PARP1: variants seen among roughly 807,000 people sequenced by gnomAD.
The protein encoded by PARP1 is poly(ADP-ribose) polymerase 1, also known as poly [ADP-ribose] polymerase 1.
A neutral mutation model predicts 118.7 loss-of-function variants in PARP1; 44 were observed. The ratio of observed to expected loss-of-function variants is 0.37; its 90% CI spans 0.29 to 0.48. The LOEUF is 0.48. Among genes scored for constraint, PARP1 ranks in the 20% least tolerant of loss-of-function variants. PARP1 has a pLI of 0.99. For synonymous variants in PARP1, 492 were observed against 483.2 expected, an observed-to-expected ratio of 1.02 and a Z score of -0.24; for missense variants, 1,100 against 1,272.4, an observed-to-expected ratio of 0.86 and a Z score of 2.06.
At chr1:226,372,166 TC>T (rs1664396880) in intron 14 of PARP1, among the ~76,000 whole-genome samples, 1 of 152,170 alleles carries the variant, frequency 6.6e-6, no homozygotes, top group African/African-American at 2.4e-5. Context: ...AGAGTCAGGT[TC>T]CCCTGGTGCT....
chr1:226,363,431 A>G (rs1400280363), intron 20 of PARP1, among the ~76,000 whole-genome samples: 2 of 152,144 alleles, frequency 1.3e-5, no homozygotes, highest in African/African-American at 2.4e-5. Flanking sequence ...CAGCAGCTCT[A>G]GGTTTCCGTC....
At chr1:226,361,677 C>G (rs1462387163) in intron 22 of PARP1, 136 bp from the exon 23 acceptor site, 1 of 731,008 alleles carries the variant, frequency 1.4e-6, no homozygotes, top group Non-Finnish European at 2.5e-6. Flanking sequence ...GGCTGGGTTG[C>G]CTCATCTCCC....
rs1664578920 is a variant in PARP1 at position 226,380,260 on chromosome 1, C to A, written c.1301-96G>T. 3.9e-5 allele frequency: 48 copies of A among 1,231,958 alleles called. No individual in the cohort carries two copies. The South Asian group carries it at 5.8e-4, about 15-fold the overall frequency. The allele number at this position is 1,231,958 out of a possible 1,614,324, so 76.3% of individuals were successfully genotyped here. A position where few individuals can be genotyped will look rare whatever the true frequency, so the allele number is the denominator to read the frequency against. On this transcript the variant is annotated intron_variant, in intron 9 of 22. Coordinates refer to ENST00000366794, the MANE Select transcript of PARP1 (RefSeq NM_001618.4). ...GTTATATTTAGTGTGTACTTCCAAA[C>A]CCTCAGCATTCACAGCTCTCCTTTG...
chr1:226,383,777 G>A (rs1410837281), intron 7 of PARP1, among the ~76,000 whole-genome samples: 1 of 152,194 alleles, frequency 6.6e-6, no homozygotes, highest in Admixed American at 6.5e-5. Context: ...GCTCTAAATG[G>A]TCACTCAATA....
rs1293339161 is a variant in PARP1, at chr1:226,385,588, A to G, written c.927T>C (p.Tyr309=). 1.2e-6 allele frequency: 2 copies of G among 1,614,036 alleles called. No homozygotes were observed. The highest frequency in any genetic ancestry group is 1.7e-6 in the Non-Finnish European group (2 of 1,180,016). The change falls in exon 7 of 23, where the codon TAT becomes TAC. Residue 309 remains tyrosine, a synonymous_variant. Coordinates refer to ENST00000366794, the MANE Select transcript of PARP1 (RefSeq NM_001618.4). Reference sequence around the variant, plus strand: ...AGGCAGTGACGTCCCCAGTGCAGTAATAGGCATCGCTCTTGAAGACCAGCT... The same window carrying G: ...AGGCAGTGACGTCCCCAGTGCAGTAGTAGGCATCGCTCTTGAAGACCAGCT... ...SGQLVFKSDA[Y]YCTGDVTAWT...
At chr1:226,387,487 G>A (rs1200412225) in intron 5 of PARP1, among the ~76,000 whole-genome samples, 1 of 152,118 alleles carries the variant, frequency 6.6e-6, no homozygotes, top group Non-Finnish European at 1.5e-5. Context: ...ATCAAAAGAG[G>A]ATTTTAACTC....
intron 22 of PARP1, 29 bp downstream of exon 22, chr1:226,361,940 G>A: frequency 7.6e-7 from 1 of 1,309,992 alleles, no homozygotes; most frequent in Non-Finnish European, 1.1e-6. Context: ...ATCCCTTTGT[G>A]CTCACACAGC....
chr1:226,381,659 T>C (rs904828602), intron 8 of PARP1, among the ~76,000 whole-genome samples: 3 of 152,234 alleles, frequency 2.0e-5, no homozygotes, highest in South Asian at 2.1e-4. Flanking sequence ...ATGTCCATGA[T>C]AGTCCCTCAA....
chr1:226,376,319 A>G (rs549890430), intron 13 of PARP1, among the ~76,000 whole-genome samples: 2 of 152,398 alleles, frequency 1.3e-5, no homozygotes, highest in South Asian at 4.1e-4. Context: ...CAGAAAAGTT[A>G]AAAATGTCAA....
chr1:226,381,404 G>C (rs1351653532), intron 8 of PARP1, among the ~76,000 whole-genome samples, 196 bp from the exon 9 acceptor site: 3 of 152,342 alleles, frequency 2.0e-5, no homozygotes, highest in South Asian at 4.1e-4. Flanking sequence ...GAAAGGACTG[G>C]GCAGGGAGCA....
At chr1:226,403,011 G>T (rs1490873953) in intron 1 of PARP1, among the ~76,000 whole-genome samples, 1 of 152,260 alleles carries the variant, frequency 6.6e-6, no homozygotes, top group Non-Finnish European at 1.5e-5. Context: ...ACAGCGGATG[G>T]TTCGGGGCAG....
At chr1:226,382,799 T>G (rs1664642338) in intron 8 of PARP1, among the ~76,000 whole-genome samples, 1 of 152,202 alleles carries the variant, frequency 6.6e-6, no homozygotes, top group South Asian at 2.1e-4. Context: ...ATTACAGGTG[T>G]GAGTCACTGC....
At chr1:226,362,245 G>C (rs1435196632) in intron 21 of PARP1, 162 bp from the exon 22 acceptor site, 1 of 606,520 alleles carries the variant, frequency 1.6e-6, no homozygotes, top group Non-Finnish European at 2.9e-6. Context: ...GAGTGCAATG[G>C]TGTGACTTCA....
chr1:226,395,272 G>T (rs1664893385), intron 2 of PARP1, among the ~76,000 whole-genome samples: 2 of 152,130 alleles, frequency 1.3e-5, no homozygotes, highest in Admixed American at 6.5e-5. Context: ...TTTCACTTCT[G>T]GGTATACACA....
chr1:226,361,776 C>T, intron 22 of PARP1, 193 bp downstream of exon 22: 1 of 664,000 alleles, frequency 1.5e-6, no homozygotes, highest in Non-Finnish European at 2.7e-6. Context: ...CCTCTGGAAA[C>T]TGGGGGAAGG....
chr1:226,408,025 G>A lies in PARP1; in HGVS notation c.-96C>T. On this transcript the variant is annotated 5_prime_UTR_variant, in exon 1 of 23. Transcript: ENST00000366794. ...CCTCGCGTGCGCTCACCCAGCCGCA[G>A]GCGCCTGAGCGGCCAGAGCCGCCAC... is the stretch of plus-strand genomic sequence containing the variant. 8.9e-6 allele frequency: 14 copies of A among 1,574,922 alleles called. No individual in the cohort carries two copies. The highest frequency in any genetic ancestry group is 2.3e-5 in the East Asian group (1 of 43,122).
At chr1:226,385,872 G>C (rs1414851794) in intron 6 of PARP1, among the ~76,000 whole-genome samples, 192 bp from the exon 7 acceptor site, 5 of 152,162 alleles carry the variant, frequency 3.3e-5, no homozygotes, top group African/African-American at 7.2e-5. Flanking sequence ...GATTCTTGTA[G>C]GAGACCTTAT....
Position 226,363,737 on chromosome 1 carries a change from C to T in PARP1, c.2786+206G>A, listed in dbSNP as rs1318941733. On this transcript the variant is annotated intron_variant, in intron 20 of 22. Coordinates refer to ENST00000366794, the MANE Select transcript of PARP1 (RefSeq NM_001618.4). ...TCTGGAGGCCTGGCTGCGTTCCTGC[C>T]CTTGCATTTCCTGAAGTATCCTTGT... 2.0e-5 allele frequency among the ~76,000 whole-genome samples: 3 copies of T among 152,164 alleles called. No individual in the cohort carries two copies. In the East Asian group the frequency reaches 5.8e-4, roughly 29 times the overall value.
chr1:226,402,151 G>A (rs751094583), intron 2 of PARP1, 63 bp downstream of exon 2: 23 of 1,613,838 alleles, frequency 1.4e-5, no homozygotes, highest in South Asian at 5.5e-5. Context: ...TCTCTGAGAC[G>A]AGGCCCTCCT....
Sources: allele counts gnomAD v4.1 joint callset (sites outside exome capture counted in the v4.1 genomes callset), GRCh38; gene constraint gnomAD v4.1.1; transcripts MANE v1.5; gene names NCBI Gene and HGNC (gene_info 2026-07-23, HGNC 2026-07-21).